Variants in ESCO2 observed in about 807,000 individuals in gnomAD.
ESCO2 encodes the protein N-acetyltransferase ESCO2.
In ESCO2, 51 loss-of-function variants were observed where a neutral mutation model predicts 61.7. The ratio of observed to expected loss-of-function variants is 0.83; its 90% CI spans 0.66 to 1.04. The LOEUF is 1.04. ESCO2 is among the 50% of genes least tolerant of loss of function. The pLI is 0.00. For missense variants in ESCO2, 692 were observed against 686.2 expected (o/e 1.01, Z -0.09); for synonymous variants, 230 against 238.2 (o/e 0.97, Z 0.32).
In ESCO2 at chr8:27,788,833, C is replaced by A. The variant is rs777788213; in HGVS notation, c.1132-14C>A. The A allele has an allele frequency of 7.4e-6, 12 of 1,613,400 alleles. No individual in the cohort carries two copies. The Admixed American group carries it at 2.0e-4, about 27-fold the overall frequency. ...ATATTTAAATGGGTTTCTTTTTTTA[C>A]CCCCCAATTATAGGACGCTGGTCAG... On this transcript the variant is annotated splice_polypyrimidine_tract_variant and intron_variant, in intron 6 of 10. Coordinates refer to ENST00000305188, the MANE Select transcript of ESCO2 (RefSeq NM_001017420.3).
upstream of ESCO2, chr8:27,774,464 A>T (rs1585387739): frequency 6.6e-6 from 1 of 152,354 alleles, no homozygotes; most frequent in South Asian, 2.1e-4. Flanking sequence ...GTGCTCCACC[A>T]ATCACCGAGC....
In ESCO2 at chr8:27,781,425, T is replaced by C. The variant is rs543135581; in HGVS notation, c.955+1158T>C. On this transcript the variant is annotated intron_variant, in intron 4 of 10. Transcript: ENST00000305188. The stretch of plus-strand genomic sequence containing the variant: ...TGCTCTTTTCTTTTAATAGACTTTA[T>C]TTTGCCATAATTTTAGATTTACAGA... 9.8e-5 allele frequency among the ~76,000 whole-genome samples: 15 copies of C among 152,364 alleles called. No individual in the cohort carries two copies. In the East Asian group the frequency reaches 2.5e-3, roughly 25 times the overall value.
chr8:27,797,884 G>C (rs1375870941), intron 9 of ESCO2, among the ~76,000 whole-genome samples: 4 of 151,940 alleles, frequency 2.6e-5, no homozygotes, highest in African/African-American at 9.7e-5. Flanking sequence ...TTATTTAAGA[G>C]GCCTTTTCCT....
chr8:27,782,250 A>G (rs991722597), intron 4 of ESCO2, among the ~76,000 whole-genome samples: 1 of 152,152 alleles, frequency 6.6e-6, no homozygotes, highest in African/African-American at 2.4e-5. Context: ...CCTGTGAGAA[A>G]TAACCAATTA....
At chr8:27,802,260 T>G (rs1489874906) in intron 10 of ESCO2, among the ~76,000 whole-genome samples, 4 of 151,724 alleles carry the variant, frequency 2.6e-5, no homozygotes, top group Non-Finnish European at 5.9e-5. Flanking sequence ...AAATGCAGAT[T>G]AGTTTTTCCC....
At chr8:27,818,992 T>C in the ESCO2 span, among the ~76,000 whole-genome samples, 1 of 152,200 alleles carries the variant, frequency 6.6e-6, no homozygotes, top group Admixed American at 6.5e-5. Context: ...AATACAAAAA[T>C]GTCACCTTTA....
At chr8:27,789,079 AATG>A in intron 7 of ESCO2, 101 bp downstream of exon 7, 1 of 1,433,040 alleles carries the variant, frequency 7.0e-7, no homozygotes, top group Non-Finnish European at 9.7e-7. Flanking sequence ...GTTAACTTTT[AATG>A]ATGATGTTTC....
chr8:27,803,500 AATAC>A lies in ESCO2; in HGVS notation c.*64_*67del. ...AAGTTCAAAGAGCTCCTTATTATAA[AATAC>A]AAACTATTTAATATCAAAATAAAAA... On this transcript the variant is annotated 3_prime_UTR_variant, in exon 11 of 11. Transcript: ENST00000305188. 1 of 1,591,276 alleles carries A rather than the reference AATAC, an allele frequency of 6.3e-7. No individual in the cohort carries two copies. The highest frequency in any genetic ancestry group is 1.4e-5 in the African/African-American group (1 of 71,226).
chr8:27,801,008 A>C (rs1028511676), intron 10 of ESCO2, among the ~76,000 whole-genome samples: 4 of 152,146 alleles, frequency 2.6e-5, no homozygotes, highest in African/African-American at 9.7e-5. Flanking sequence ...CTAGAATTAG[A>C]TAGTGGTGGT....
At chr8:27,797,855 A>G (rs1483909784) in intron 9 of ESCO2, among the ~76,000 whole-genome samples, 2 of 152,180 alleles carry the variant, frequency 1.3e-5, no homozygotes, top group African/African-American at 4.8e-5. Context: ...TACAGTTTAC[A>G]TCTTTTTATG....
intron 5 of ESCO2, among the ~76,000 whole-genome samples, chr8:27,784,815 A>G (rs1354950789): frequency 1.3e-5 from 2 of 152,192 alleles, no homozygotes; most frequent in Admixed American, 6.5e-5. Flanking sequence ...AACTCCAGAT[A>G]TTAAGCAAGG....
upstream of ESCO2, among the ~76,000 whole-genome samples, chr8:27,772,846 G>A (rs1319772192): frequency 6.6e-6 from 1 of 152,222 alleles, no homozygotes; most frequent in Admixed American, 6.5e-5. Flanking sequence ...TGATACTAGA[G>A]CAGCTAACTC....
At chr8:27,808,728 T>C (rs1460112939), downstream of ESCO2, among the ~76,000 whole-genome samples, 1 of 149,328 alleles carries the variant, frequency 6.7e-6, no homozygotes, top group African/African-American at 2.5e-5. Flanking sequence ...CACATGTTGC[T>C]CTTTTGAGAA....
At chr8:27,793,509 C>T (rs1487618276) in intron 9 of ESCO2, among the ~76,000 whole-genome samples, 2 of 143,706 alleles carry the variant, frequency 1.4e-5, no homozygotes, top group Non-Finnish European at 3.0e-5. Flanking sequence ...TTTTTTGAGA[C>T]CAAGTCTCAC....
intron 1 of ESCO2, 141 bp from the exon 2 acceptor site, chr8:27,775,357 GT>G: frequency 1.4e-6 from 1 of 731,758 alleles, no homozygotes; most frequent in East Asian, 2.6e-5. Context: ...CCTTGGAGGG[GT>G]GGAAGGAGAG....
downstream of ESCO2, among the ~76,000 whole-genome samples, chr8:27,811,566 CAAGGAA>C (rs142113443): frequency 0.018 from 2,678 of 152,182 alleles, 63 homozygotes; most frequent in African/African-American, 0.054. Context: ...ATTGCTATGT[CAAGGAA>C]AAGGGAAAGG....
upstream of ESCO2, chr8:27,772,569 C>T: frequency 3.2e-6 from 5 of 1,547,976 alleles, no homozygotes; most frequent in Non-Finnish European, 4.4e-6. Flanking sequence ...GTGACTCCAC[C>T]GCGGAGCAGC....
Position 27,775,538 on chromosome 8 carries a change from G to T in ESCO2, c.24G>T (p.Lys8Asn). 6.2e-7 allele frequency: 1 copy of T among 1,614,144 alleles called. No individual in the cohort carries two copies. Among genetic ancestry groups the T allele is most frequent in the Middle Eastern group, 1.6e-4 (1 of 6,062 alleles). MAALTPRKRKQDSLKCDS... is the reference protein window; with the variant it reads MAALTPRNRKQDSLKCDS... ...AAATGGCAGCTCTTACTCCAAGGAA[G>T]AGGAAGCAGGATTCTTTGAAGTGTG... The change falls in exon 2 of 11, where the codon AAG (lysine) becomes AAT (asparagine). Residue 8 changes from lysine to asparagine, a missense_variant. Transcript: ENST00000305188.
chr8:27,772,398 G>C, upstream of ESCO2: 1 of 998,008 alleles, frequency 1.0e-6, no homozygotes, highest in Non-Finnish European at 1.5e-6. Flanking sequence ...GCGGGAAGAG[G>C]CACTCGCATC....
Sources: allele counts gnomAD v4.1 joint callset (sites outside exome capture counted in the v4.1 genomes callset), GRCh38; gene constraint gnomAD v4.1.1; transcripts MANE v1.5; gene names NCBI Gene and HGNC (gene_info 2026-07-23, HGNC 2026-07-21).